The following PLEKHG3 variants were observed in gnomAD, a reference collection of about 807,000 sequenced individuals.
PLEKHG3 encodes pleckstrin homology and RhoGEF domain containing G3.
In PLEKHG3, 62 loss-of-function variants were observed where a neutral mutation model predicts 94.9. The observed-to-expected ratio is 0.65, with a 90% confidence interval of 0.53 to 0.81. PLEKHG3 has a LOEUF of 0.81. Among genes scored for constraint, PLEKHG3 ranks in the 30% least tolerant of loss-of-function variants. PLEKHG3 has a pLI of 0.00. For synonymous variants in PLEKHG3, 614 were observed against 654.0 expected (o/e 0.94, Z 0.93); for missense variants, 1,461 against 1,619.3 (o/e 0.90, Z 1.68).
chr14:64,737,085 C>A (rs1462459579), intron 13 of PLEKHG3, 194 bp downstream of exon 13: 11 of 668,276 alleles, frequency 1.6e-5, no homozygotes, highest in Non-Finnish European at 1.7e-5. Context: ...AGCTCTCCCC[C>A]ATGCACAGGC....
At position 64,716,435 on chromosome 14, in the gene PLEKHG3, TACACAC is replaced by T. The variant is rs61468622; in HGVS notation, c.-39-11132_-39-11127del. 2.9e-4 allele frequency among the ~76,000 whole-genome samples: 31 copies of T among 105,322 alleles called. No homozygotes were observed. The highest frequency in any genetic ancestry group is 1.4e-3 in the East Asian group (5 of 3,580). 69.1% of individuals were successfully genotyped at this position (105,322 alleles called of 152,430 possible). On this transcript the variant is annotated intron_variant, in intron 1 of 16. Coordinates refer to ENST00000247226, the MANE Select transcript of PLEKHG3 (RefSeq NM_001308147.2). The surrounding 1 kb of genome is among the most constrained non-coding windows in gnomAD (Gnocchi z 5.0). ...GGTTAGAGAAGGTCATGTAGGGCCC[TACACAC>T]ACACACACACACACACACACACACA...
In PLEKHG3 at chr14:64,749,492, C is replaced by T. The variant is rs770234654; in HGVS notation, c.*5789C>T. On this transcript the variant is annotated 3_prime_UTR_variant, in exon 17 of 17. Coordinates refer to ENST00000247226, the MANE Select transcript of PLEKHG3 (RefSeq NM_001308147.2). The surrounding 1 kb of genome is among the most constrained non-coding windows in gnomAD (Gnocchi z 4.7). Reference sequence around the variant, plus strand: ...TCTCCTCCTGCGGGGCGGAGGGTCACGGTGGAGTCTGGAGGCCCACAGCCC... The same window carrying T: ...TCTCCTCCTGCGGGGCGGAGGGTCATGGTGGAGTCTGGAGGCCCACAGCCC... The T allele has an allele frequency of 3.1e-5, 50 of 1,598,332 alleles. No homozygotes were observed. The Admixed American group carries it at 3.7e-4, about 12-fold the overall frequency.
rs1187025152 is a variant in PLEKHG3 at position 64,717,345 on chromosome 14, C to T, written c.-39-10248C>T. ...CTACATAACTTTCTGGGTTTGGATG[C>T]TCATGCTTGGAATTGGGAAGGGAGT... On this transcript the variant is annotated intron_variant, in intron 1 of 16. Coordinates refer to ENST00000247226, the MANE Select transcript of PLEKHG3 (RefSeq NM_001308147.2). This position sits in a 1 kb window ranked among gnomAD's most constrained non-coding sequence, Gnocchi z 4.7. 2.0e-5 allele frequency among the ~76,000 whole-genome samples: 3 copies of T among 152,270 alleles called. No individual in the cohort carries two copies. The highest frequency in any genetic ancestry group is 2.0e-4 in the Admixed American group (3 of 15,288).
rs2081296037 is a variant in PLEKHG3 at position 64,723,270 on chromosome 14, GC to G, written c.-39-4320del. On this transcript the variant is annotated intron_variant, in intron 1 of 16. Coordinates refer to ENST00000247226, the MANE Select transcript of PLEKHG3 (RefSeq NM_001308147.2). This position sits in a 1 kb window ranked among gnomAD's most constrained non-coding sequence, Gnocchi z 4.5. ...GGTGTATGTCTGAGCTGCTGCTTAGGCCCATCAAAAAGAAAGCCTGGCTGGG... is the reference window on the plus strand; with the variant it reads ...GGTGTATGTCTGAGCTGCTGCTTAGGCCATCAAAAAGAAAGCCTGGCTGGG... 6.6e-6 allele frequency among the ~76,000 whole-genome samples: 1 copy of G among 152,030 alleles called. No homozygotes were observed. Among genetic ancestry groups the G allele is most frequent in the Non-Finnish European group, 1.5e-5 (1 of 68,000 alleles).
At chr14:64,719,348 CA>C (rs1371722168) in intron 1 of PLEKHG3, among the ~76,000 whole-genome samples, 1 of 151,534 alleles carries the variant, frequency 6.6e-6, no homozygotes, top group Non-Finnish European at 1.5e-5. Flanking sequence ...TCATCACCAC[CA>C]CCACCATTCT....
Position 64,740,897 on chromosome 14 carries a change from C to T in PLEKHG3, c.1519-139C>T, listed in dbSNP as rs182937852. On this transcript the variant is annotated intron_variant, in intron 15 of 16. Transcript: ENST00000247226. ...AAGGACCCATCACCTACTCCTAAGT[C>T]GTGCTCATTCTGATTGCCTTGAGTC... The T allele has an allele frequency of 1.8e-3, 1,202 of 653,482 alleles. 19 individuals carry two copies. In the Admixed American group the frequency reaches 0.029, roughly 16 times the overall value. 40.5% of individuals were successfully genotyped at this position (653,482 alleles called of 1,614,324 possible).
Position 64,738,939 on chromosome 14 carries a change from C to T in PLEKHG3, c.1518+84C>T, listed in dbSNP as rs546810757. On this transcript the variant is annotated intron_variant, in intron 15 of 16. Coordinates refer to ENST00000247226, the MANE Select transcript of PLEKHG3 (RefSeq NM_001308147.2). The surrounding 1 kb of genome is among the most constrained non-coding windows in gnomAD (Gnocchi z 4.8). ...AGTCTGCAAATAGGGCTTTCAGGCA[C>T]AGGCTCTCCCACTGGGCCCATGGGA... 2.1e-5 allele frequency: 17 copies of T among 827,358 alleles called. No homozygotes were observed. The African/African-American group carries it at 2.7e-4, about 13-fold the overall frequency. The allele number at this position is 827,358 out of a possible 1,614,324, so 51.3% of individuals were successfully genotyped here. A position where few individuals can be genotyped will look rare whatever the true frequency, so the allele number is the denominator to read the frequency against.
At position 64,750,042 on chromosome 14, in the gene PLEKHG3, T is replaced by C. The variant is rs192119423; in HGVS notation, c.*6339T>C. 1.7e-5 allele frequency: 27 copies of C among 1,614,202 alleles called. 1 individual carries two copies. In the East Asian group the frequency reaches 3.8e-4, roughly 23 times the overall value. ...GCAGCAATCTCACAGATGGCATGTCTCAGGGCCAGGGGTTCCTCCCCATGG... is the reference window on the plus strand; with the variant it reads ...GCAGCAATCTCACAGATGGCATGTCCCAGGGCCAGGGGTTCCTCCCCATGG... On this transcript the variant is annotated 3_prime_UTR_variant, in exon 17 of 17. Transcript: ENST00000247226.
intron 3 of PLEKHG3, 86 bp downstream of exon 3, chr14:64,729,179 T>C: frequency 1.6e-6 from 1 of 620,822 alleles, no homozygotes. Context: ...GTCCCTGGTC[T>C]CATGGGCCTG....
Position 64,749,698 on chromosome 14 carries a change from TAGG to T in PLEKHG3, c.*6000_*6002del, listed in dbSNP as rs1264379031. 1.9e-6 allele frequency: 3 copies of T among 1,613,598 alleles called. No homozygotes were observed. The highest frequency in any genetic ancestry group is 2.5e-6 in the Non-Finnish European group (3 of 1,179,898). ...AGCCACTCGCTGCCATTACTCAGCC[TAGG>T]AGGACAAAGGGTTTCCTGTCATGGA... On this transcript the variant is annotated 3_prime_UTR_variant, in exon 17 of 17. Coordinates refer to ENST00000247226, the MANE Select transcript of PLEKHG3 (RefSeq NM_001308147.2). This position sits in a 1 kb window ranked among gnomAD's most constrained non-coding sequence, Gnocchi z 4.7.
chr14:64,736,182 C>G (rs1047512231), intron 12 of PLEKHG3, among the ~76,000 whole-genome samples: 1 of 152,240 alleles, frequency 6.6e-6, no homozygotes, highest in African/African-American at 2.4e-5. Context: ...AGACAAGGTC[C>G]TCTTATTCCT....
chr14:64,749,527 C>A lies in PLEKHG3; in HGVS notation c.*5824C>A, dbSNP rs1021022262. ...TGGAGGCCCACAGCCCCCCACCTCCCGGGCCAGGCAACAATGGTGGGGGCT... is the reference window on the plus strand; with the variant it reads ...TGGAGGCCCACAGCCCCCCACCTCCAGGGCCAGGCAACAATGGTGGGGGCT... On this transcript the variant is annotated 3_prime_UTR_variant, in exon 17 of 17. Transcript: ENST00000247226. The surrounding 1 kb of genome is among the most constrained non-coding windows in gnomAD (Gnocchi z 4.7). 4.4e-6 allele frequency: 7 copies of A among 1,598,030 alleles called. No individual in the cohort carries two copies. Among genetic ancestry groups the A allele is most frequent in the Non-Finnish European group, 5.9e-6 (7 of 1,177,374 alleles).
chr14:64,721,204 G>A lies in PLEKHG3; in HGVS notation c.-39-6389G>A, dbSNP rs76109761. On this transcript the variant is annotated intron_variant, in intron 1 of 16. Coordinates refer to ENST00000247226, the MANE Select transcript of PLEKHG3 (RefSeq NM_001308147.2). This position sits in a 1 kb window ranked among gnomAD's most constrained non-coding sequence, Gnocchi z 4.3. ...GTTGAGGAGGCCTTTCTCTGAAGGA[G>A]ATGATTGCTAAATGTGTATAGGCAG... Among the ~76,000 whole-genome samples, 1,277 of 152,354 alleles carry A rather than the reference G, an allele frequency of 8.4e-3. 9 individuals are homozygous for A. The highest frequency in any genetic ancestry group is 0.012 in the South Asian group (60 of 4,828).
intron 1 of PLEKHG3, among the ~76,000 whole-genome samples, chr14:64,712,999 G>A (rs188998843): frequency 3.3e-5 from 5 of 152,252 alleles, no homozygotes; most frequent in Admixed American, 1.3e-4. Context: ...ATTGTTGAGC[G>A]TTTTTATCAT....
At chr14:64,707,122 G>C (rs1030727039) in intron 1 of PLEKHG3, among the ~76,000 whole-genome samples, 1 of 152,154 alleles carries the variant, frequency 6.6e-6, no homozygotes, top group East Asian at 1.9e-4. Context: ...CCTTTGTTCC[G>C]TGGCTGCAAA....
chr14:64,737,531 G>A (rs1295582851), intron 14 of PLEKHG3, among the ~76,000 whole-genome samples, 156 bp downstream of exon 14: 1 of 152,248 alleles, frequency 6.6e-6, no homozygotes, highest in African/African-American at 2.4e-5. Flanking sequence ...GGGCCACAGA[G>A]ATGAATAAGA....
Position 64,738,171 on chromosome 14 carries a change from C to T in PLEKHG3, c.1405-571C>T. 3 of 1,292,326 alleles carry T rather than the reference C, an allele frequency of 2.3e-6. No individual in the cohort carries two copies. Among genetic ancestry groups the T allele is most frequent in the Non-Finnish European group, 3.0e-6 (3 of 990,710 alleles). The allele number at this position is 1,292,326 out of a possible 1,614,324, so 80.1% of individuals were successfully genotyped here. On this transcript the variant is annotated intron_variant, in intron 14 of 16. Coordinates refer to ENST00000247226, the MANE Select transcript of PLEKHG3 (RefSeq NM_001308147.2). This position sits in a 1 kb window ranked among gnomAD's most constrained non-coding sequence, Gnocchi z 4.8. ...CTTTGCCAGCTCCCTGCTGGCCGCC[C>T]TCCACTGCTGGCACTATCGGGCCAA...
At chr14:64,733,268 G>A (rs996560266) in intron 12 of PLEKHG3, among the ~76,000 whole-genome samples, 5 of 150,692 alleles carry the variant, frequency 3.3e-5, no homozygotes, top group Non-Finnish European at 7.4e-5. Context: ...GGGTTCAAGC[G>A]ATTCTCCTGC....
rs2139385868 is a variant in PLEKHG3, at chr14:64,732,891, C to T, written c.1335C>T (p.Arg445=). 1 of 1,602,960 alleles carries T rather than the reference C, an allele frequency of 6.2e-7. No individual in the cohort carries two copies. Among genetic ancestry groups the T allele is most frequent in the East Asian group, 2.2e-5 (1 of 44,596 alleles). The part of the protein sequence containing the change: ...DEVSTNVRQG[R]RQSEPTKHLL... ...TGTCCACCAATGTGCGCCAGGGGCG[C>T]CGGCAATCTGGTAAGAGAAGGGCTG... The change falls in exon 12 of 17, where the codon CGC becomes CGT. Residue 445 remains arginine, a synonymous_variant. Coordinates refer to ENST00000247226, the MANE Select transcript of PLEKHG3 (RefSeq NM_001308147.2). The surrounding 1 kb of genome is among the most constrained non-coding windows in gnomAD (Gnocchi z 4.9).
Sources: gnomAD v4.1 joint callset for allele counts (sites outside exome capture counted in the v4.1 genomes callset) on GRCh38, gnomAD v4.1.1 for gene constraint, Gnocchi (gnomAD v3.1) non-coding constraint, MANE v1.5 for transcripts, NCBI Gene and HGNC (gene_info 2026-07-23, HGNC 2026-07-21) for gene names.